AP3B1: variants seen among roughly 807,000 people sequenced by gnomAD.
AP3B1 encodes AP-3 complex subunit beta-1.
AP3B1 carries 61 observed loss-of-function variants against 132.5 expected under a neutral mutation model. That is an observed-to-expected ratio of 0.46 (90% CI 0.37 to 0.57). The LOEUF (loss-of-function observed/expected upper bound fraction) is 0.57, where lower values mean the gene tolerates loss of function less well. Ranked by LOEUF, AP3B1 falls within the 20% of genes least tolerant of loss-of-function variation. The pLI is 0.00. For missense variants in AP3B1, 1,120 were observed against 1,289.4 expected (o/e 0.87, Z 2.01); for synonymous variants, 388 against 438.3 (o/e 0.89, Z 1.43).
chr5:78,189,310 T>C (rs1195609550), intron 7 of AP3B1, among the ~76,000 whole-genome samples: 2 of 152,194 alleles, frequency 1.3e-5, no homozygotes, highest in East Asian at 1.9e-4. Flanking sequence ...CATACCATCA[T>C]ATAGGTTTTT....
chr5:78,150,426 G>T (rs1753593718), intron 14 of AP3B1, among the ~76,000 whole-genome samples: 2 of 152,196 alleles, frequency 1.3e-5, no homozygotes, highest in South Asian at 2.1e-4. Flanking sequence ...CTTGGAAAAG[G>T]CATAGTTAAT....
At chr5:78,046,261 C>A (rs760447002) in intron 22 of AP3B1, among the ~76,000 whole-genome samples, 1 of 152,164 alleles carries the variant, frequency 6.6e-6, no homozygotes, top group African/African-American at 2.4e-5. Flanking sequence ...GCTCTGCCTC[C>A]CGTCAGATCA....
chr5:78,181,513 A>T lies in AP3B1; in HGVS notation c.936T>A (p.Asn312Lys). The change falls in exon 8 of 27, where the codon AAT becomes AAA. Residue 312 changes from asparagine (N) to lysine (K), a missense_variant. Physicochemically the swap from Asn to Lys is moderately conservative, Grantham distance 94. Around this residue, in one of 3 missense-constraint regions of AP3B1, gnomAD observed 906 missense variants for 997.1 expected, o/e 0.91. Transcript: ENST00000255194. Reference protein sequence around the residue: ...RNTKPLLQSRNAAVVMAVAQL... With the variant: ...RNTKPLLQSRKAAVVMAVAQL... ...TATAAGGATTTTAACATACCGCAGC[A>T]TTCCTGCTCTGAAGCAAAGGCTTTG... 6.2e-7 allele frequency: 1 copy of T among 1,612,740 alleles called. No homozygotes were observed.
intron 13 of AP3B1, among the ~76,000 whole-genome samples, chr5:78,157,958 T>C (rs1243854804): frequency 6.6e-6 from 1 of 152,070 alleles, no homozygotes; most frequent in African/African-American, 2.4e-5. Context: ...ACCATATTGG[T>C]CAGGCTGGTC....
At chr5:78,216,028 G>C in intron 7 of AP3B1, 27 bp downstream of exon 7, 2 of 1,612,658 alleles carry the variant, frequency 1.2e-6, no homozygotes, top group African/African-American at 1.3e-5. Flanking sequence ...TAGTATACTT[G>C]AAAGTGGAAG....
intron 1 of AP3B1, among the ~76,000 whole-genome samples, chr5:78,293,917 A>G (rs1749640476): frequency 1.3e-5 from 2 of 152,162 alleles, no homozygotes; most frequent in South Asian, 4.2e-4. Context: ...TGTAGTGCAA[A>G]GGACATAATC....
intron 25 of AP3B1, among the ~76,000 whole-genome samples, chr5:78,020,270 T>G (rs1337440633): frequency 6.6e-6 from 1 of 152,138 alleles, no homozygotes; most frequent in East Asian, 1.9e-4. Context: ...GGTAGTTTAA[T>G]GTGTGCAGGG....
chr5:78,263,637 T>A (rs938759251), intron 2 of AP3B1, among the ~76,000 whole-genome samples: 3 of 152,218 alleles, frequency 2.0e-5, no homozygotes, highest in Non-Finnish European at 2.9e-5. Flanking sequence ...TTTCCACACC[T>A]GCTCTTTAAC....
downstream of AP3B1, chr5:78,000,832 C>T (rs1450058433): frequency 6.6e-6 from 1 of 152,158 alleles, no homozygotes; most frequent in East Asian, 1.9e-4. Context: ...GCAAGGAACT[C>T]TGAATCACCA....
intron 3 of AP3B1, among the ~76,000 whole-genome samples, chr5:78,232,201 A>G (rs973025355): frequency 6.6e-6 from 1 of 152,260 alleles, no homozygotes; most frequent in Non-Finnish European, 1.5e-5. Context: ...TAATTATAAA[A>G]AGATTTCAAA....
At chr5:78,165,700 A>T (rs747684195) in intron 11 of AP3B1, 28 bp from the exon 12 acceptor site, 1 of 1,459,170 alleles carries the variant, frequency 6.9e-7, no homozygotes, top group East Asian at 2.3e-5. Context: ...GAAAGTAAAC[A>T]TTTTAAAACA....
intron 6 of AP3B1, chr5:78,222,573 G>A (rs1245129738): frequency 6.6e-6 from 1 of 152,024 alleles, no homozygotes; most frequent in Non-Finnish European, 1.5e-5. Flanking sequence ...TCAAGAACTT[G>A]TTACATGTTA....
chr5:78,109,618 C>G (rs1192124987), intron 20 of AP3B1, among the ~76,000 whole-genome samples: 1 of 152,032 alleles, frequency 6.6e-6, no homozygotes, highest in Non-Finnish European at 1.5e-5. Context: ...TTTAACTAGA[C>G]TTGAAATCAG....
chr5:78,102,628 T>C (rs1203470231), intron 20 of AP3B1, among the ~76,000 whole-genome samples: 1 of 152,104 alleles, frequency 6.6e-6, no homozygotes, highest in Admixed American at 6.5e-5. Context: ...AACTAGAATA[T>C]CATTCCTGTG....
At chr5:78,197,884 C>A (rs1745137274) in intron 7 of AP3B1, among the ~76,000 whole-genome samples, 1 of 152,176 alleles carries the variant, frequency 6.6e-6, no homozygotes, top group Non-Finnish European at 1.5e-5. Context: ...TAAGAAACTT[C>A]TAGTATTAAT....
intron 22 of AP3B1, among the ~76,000 whole-genome samples, chr5:78,067,049 A>T (rs1165593241): frequency 6.6e-6 from 1 of 152,190 alleles, no homozygotes; most frequent in Non-Finnish European, 1.5e-5. Flanking sequence ...CCAGAATTTC[A>T]TATCTGGCCA....
At position 78,216,072 on chromosome 5, in the gene AP3B1, C is replaced by A; in HGVS notation, c.769G>T (p.Val257Phe). 1 of 1,613,992 alleles carries A rather than the reference C, an allele frequency of 6.2e-7. No individual in the cohort carries two copies. The highest frequency in any genetic ancestry group is 8.5e-7 in the Non-Finnish European group (1 of 1,179,884). ...MLTRYARTQF[V>F]SPWKEGDELE... ...ACACTTACCTCTTTCCAAGGGCTGA[C>A]AAACTGTGTCCGAGCATATCGAGTT... Residue 257 changes from valine to phenylalanine, a missense_variant, in exon 7 of 27, where the codon GTC becomes TTC. Physicochemically the swap from Val to Phe is conservative, Grantham distance 50. Transcript: ENST00000255194.
intron 1 of AP3B1, among the ~76,000 whole-genome samples, chr5:78,271,336 G>A (rs1748536968): frequency 6.6e-6 from 1 of 152,178 alleles, no homozygotes; most frequent in African/African-American, 2.4e-5. Flanking sequence ...CAGGATAATT[G>A]CTTGAATCTG....
chr5:78,208,928 T>A (rs529991283), intron 7 of AP3B1, among the ~76,000 whole-genome samples: 14 of 31,662 alleles, frequency 4.4e-4, no homozygotes, highest in African/African-American at 2.7e-3. Flanking sequence ...ATTGAAAAAA[T>A]TCTAATATAT....
Sources: allele counts gnomAD v4.1 joint callset (sites outside exome capture counted in the v4.1 genomes callset), GRCh38; gene constraint gnomAD v4.1.1; regional missense constraint gnomAD v4.1.1; transcripts MANE v1.5; gene names NCBI Gene and HGNC (gene_info 2026-07-23, HGNC 2026-07-21).